Variants in ITGBL1 observed in about 807,000 individuals in gnomAD.
The protein encoded by ITGBL1 is integrin beta-like protein 1.
ITGBL1 carries 51 observed loss-of-function variants against 68.5 expected under a neutral mutation model. The ratio of observed to expected loss-of-function variants is 0.74; its 90% CI spans 0.59 to 0.94. ITGBL1 has a LOEUF of 0.94. Among genes scored for constraint, ITGBL1 ranks in the 40% least tolerant of loss-of-function variants. The probability of loss-of-function intolerance (pLI) is 0.00; values close to 1 mark genes in which losing one functional copy is unlikely to be tolerated. For missense variants in ITGBL1, 649 were observed against 647.4 expected (o/e 1.00, Z -0.03); for synonymous variants, 209 against 227.3 (o/e 0.92, Z 0.72).
At chr13:101,490,113 G>A in intron 2 of ITGBL1, 1 of 711,232 alleles carries the variant, frequency 1.4e-6, no homozygotes, top group Non-Finnish European at 2.3e-6. Context: ...GTATTTGGAG[G>A]TGGGGCCTTT....
chr13:101,495,785 A>G (rs1162292449), intron 2 of ITGBL1, among the ~76,000 whole-genome samples: 1 of 152,218 alleles, frequency 6.6e-6, no homozygotes, highest in South Asian at 2.1e-4. Context: ...TCTGTCTGGG[A>G]CCTGGTAAGG....
intron 6 of ITGBL1, among the ~76,000 whole-genome samples, chr13:101,588,693 T>TAAAAAAA (rs3063720): frequency 6.8e-6 from 1 of 147,680 alleles, no homozygotes; most frequent in Non-Finnish European, 1.5e-5. Flanking sequence ...ATTTGTCTAT[T>TAAAAAAA]AAAAAAAAAA....
At chr13:101,690,072 A>G (rs1320323087) in intron 7 of ITGBL1, among the ~76,000 whole-genome samples, 4 of 152,186 alleles carry the variant, frequency 2.6e-5, no homozygotes, top group Non-Finnish European at 4.4e-5. Flanking sequence ...TTGCCTTAGT[A>G]TTAGTCATTT....
At chr13:101,672,826 ATCT>A (rs1807346155) in intron 7 of ITGBL1, among the ~76,000 whole-genome samples, 1 of 152,124 alleles carries the variant, frequency 6.6e-6, no homozygotes, top group Admixed American at 6.5e-5. Context: ...CATGTTGTTA[ATCT>A]TCTCAGCACA....
chr13:101,605,164 G>T (rs993177209), intron 7 of ITGBL1, among the ~76,000 whole-genome samples: 1 of 73,470 alleles, frequency 1.4e-5, no homozygotes, highest in African/African-American at 5.4e-5. Context: ...GTGTGTATAT[G>T]CGTATATATG....
intron 7 of ITGBL1, among the ~76,000 whole-genome samples, chr13:101,688,966 AG>A (rs2033817570): frequency 6.6e-6 from 1 of 152,010 alleles, no homozygotes; most frequent in Non-Finnish European, 1.5e-5. Flanking sequence ...TGGGAGGCCA[AG>A]GCGGGTGGAT....
At chr13:101,463,899 C>G (rs571642422) in intron 2 of ITGBL1, among the ~76,000 whole-genome samples, 194 of 144,936 alleles carry the variant, frequency 1.3e-3, no homozygotes, top group African/African-American at 4.9e-3. Context: ...AGGAGTCATT[C>G]TAGTTCTTTT....
chr13:101,606,108 C>A (rs1380453372), intron 7 of ITGBL1, among the ~76,000 whole-genome samples: 7 of 131,978 alleles, frequency 5.3e-5, no homozygotes, highest in Non-Finnish European at 9.8e-5. Flanking sequence ...TGCTCTCTCT[C>A]TCTCTATATA....
At chr13:101,603,196 C>T (rs889862437) in intron 7 of ITGBL1, among the ~76,000 whole-genome samples, 11 of 151,894 alleles carry the variant, frequency 7.2e-5, no homozygotes, top group African/African-American at 2.2e-4. Context: ...CCACCAGCAG[C>T]GTGTGGAGTT....
chr13:101,509,579 C>A (rs1427589603), intron 2 of ITGBL1, among the ~76,000 whole-genome samples: 1 of 152,048 alleles, frequency 6.6e-6, no homozygotes, highest in African/African-American at 2.4e-5. Flanking sequence ...AACCGATATT[C>A]AATATCATTA....
intron 2 of ITGBL1, among the ~76,000 whole-genome samples, chr13:101,514,486 C>G (rs557041441): frequency 6.6e-6 from 1 of 152,026 alleles, no homozygotes; most frequent in East Asian, 1.9e-4. Flanking sequence ...GTTTTAGGAG[C>G]TAATTTATTT....
At chr13:101,658,357 G>C (rs2032988693) in intron 7 of ITGBL1, among the ~76,000 whole-genome samples, 1 of 152,080 alleles carries the variant, frequency 6.6e-6, no homozygotes, top group African/African-American at 2.4e-5. Flanking sequence ...AATACTAGAA[G>C]AAAATCAGTT....
intron 9 of ITGBL1, chr13:101,712,662 T>C (rs1174046362): frequency 6.6e-6 from 1 of 152,208 alleles, no homozygotes; most frequent in Non-Finnish European, 1.5e-5. Context: ...ACACTAAGTA[T>C]GGTGCCTTTC....
chr13:101,626,020 G>A (rs1273988776), intron 7 of ITGBL1, among the ~76,000 whole-genome samples: 1 of 152,160 alleles, frequency 6.6e-6, no homozygotes. Context: ...CTGATCACAT[G>A]GCTAATAAAT....
intron 6 of ITGBL1, among the ~76,000 whole-genome samples, chr13:101,591,260 G>T (rs2050649474): frequency 6.6e-6 from 1 of 152,162 alleles, no homozygotes; most frequent in Non-Finnish European, 1.5e-5. Flanking sequence ...AACAACCTAT[G>T]AAATATAATT....
chr13:101,531,002 T>C (rs1478050527), intron 2 of ITGBL1, among the ~76,000 whole-genome samples: 1 of 152,174 alleles, frequency 6.6e-6, no homozygotes, highest in Non-Finnish European at 1.5e-5. Flanking sequence ...TCTTTCTTTC[T>C]TTGAACTACT....
intron 7 of ITGBL1, among the ~76,000 whole-genome samples, chr13:101,629,222 T>C (rs1037507904): frequency 6.6e-6 from 1 of 152,176 alleles, no homozygotes; most frequent in Non-Finnish European, 1.5e-5. Flanking sequence ...AGCATACACT[T>C]TGATTTATGA....
intron 8 of ITGBL1, among the ~76,000 whole-genome samples, chr13:101,694,528 A>G (rs532601839): frequency 5.3e-5 from 8 of 152,126 alleles, no homozygotes; most frequent in Admixed American, 5.2e-4. Flanking sequence ...GGCTCAAGCA[A>G]TCCTCTGGCC....
At chr13:101,535,672 A>G (rs1289291991) in intron 2 of ITGBL1, among the ~76,000 whole-genome samples, 1 of 152,184 alleles carries the variant, frequency 6.6e-6, no homozygotes. Context: ...GCTAATTGAC[A>G]TAATCTTCAC....
Sources: gnomAD v4.1 joint callset for allele counts (sites outside exome capture counted in the v4.1 genomes callset) on GRCh38, gnomAD v4.1.1 for gene constraint, MANE v1.5 for transcripts, NCBI Gene and HGNC (gene_info 2026-07-23, HGNC 2026-07-21) for gene names.